DLG2: variants seen among roughly 807,000 people sequenced by gnomAD.
The protein encoded by DLG2 is discs large MAGUK scaffold protein 2, also known as disks large homolog 2.
DLG2 carries 45 observed loss-of-function variants against 132.5 expected under a neutral mutation model. That is an observed-to-expected ratio of 0.34 (90% CI 0.27 to 0.44). The LOEUF (loss-of-function observed/expected upper bound fraction) is 0.44, where lower values mean the gene tolerates loss of function less well. Ranked by LOEUF, DLG2 falls within the 20% of genes least tolerant of loss-of-function variation. The pLI, the probability that DLG2 is intolerant of heterozygous loss-of-function variation, is 1.00. For synonymous variants in DLG2, 424 were observed against 419.6 expected, an observed-to-expected ratio of 1.01 and a Z score of -0.13; for missense variants, 1,045 against 1,196.9, an observed-to-expected ratio of 0.87 and a Z score of 1.87.
At chr11:83,700,812 A>T (rs1257735802) in intron 18 of DLG2, among the ~76,000 whole-genome samples, 4 of 152,158 alleles carry the variant, frequency 2.6e-5, no homozygotes, top group African/African-American at 4.8e-5. Flanking sequence ...CTCCATCTGC[A>T]CTGAAAAGGA....
At chr11:84,663,827 A>G (rs565819163) in intron 6 of DLG2, among the ~76,000 whole-genome samples, 83 of 152,190 alleles carry the variant, frequency 5.5e-4, no homozygotes, top group African/African-American at 1.9e-3. Flanking sequence ...CTGACACTGG[A>G]CGACGATCTT....
chr11:83,867,968 A>G (rs2062712389), intron 16 of DLG2, among the ~76,000 whole-genome samples: 1 of 152,206 alleles, frequency 6.6e-6, no homozygotes, highest in Non-Finnish European at 1.5e-5. Context: ...AATGGAAAAA[A>G]AAATCTGTTC....
chr11:85,533,540 T>G (rs986513102), intron 3 of DLG2, among the ~76,000 whole-genome samples: 6 of 151,770 alleles, frequency 4.0e-5, no homozygotes, highest in African/African-American at 1.5e-4. Context: ...TTTATCTAAA[T>G]CCATCACTGA....
intron 6 of DLG2, among the ~76,000 whole-genome samples, chr11:84,711,936 T>C (rs1339079919): frequency 1.3e-5 from 2 of 152,094 alleles, no homozygotes; most frequent in African/African-American, 4.8e-5. Flanking sequence ...GGCATTATAC[T>C]AAATGAATAT....
At chr11:84,480,726 C>T (rs1210260899) in intron 7 of DLG2, among the ~76,000 whole-genome samples, 3 of 135,998 alleles carry the variant, frequency 2.2e-5, no homozygotes, top group African/African-American at 5.4e-5. Flanking sequence ...TGTTTGTTTG[C>T]TTGTTTGGTT....
chr11:85,294,004 C>T lies in DLG2; in HGVS notation c.41-8639G>A, dbSNP rs144578056. 7.6e-4 allele frequency among the ~76,000 whole-genome samples: 115 copies of T among 151,988 alleles called. 2 individuals are homozygous for T. Among genetic ancestry groups the T allele is most frequent in the Middle Eastern group, 3.4e-3 (1 of 294 alleles). On this transcript the variant is annotated intron_variant, in intron 3 of 27. Coordinates refer to ENST00000376104, the MANE Select transcript of DLG2 (RefSeq NM_001142699.3). ...TACCTGTAATTCCAACACTTTGGGA[C>T]GCCGAAGTGGGAAGATTGGTTGAAG... is the stretch of plus-strand genomic sequence containing the variant.
chr11:83,878,847 T>C (rs2065420468), intron 15 of DLG2, among the ~76,000 whole-genome samples: 1 of 152,174 alleles, frequency 6.6e-6, no homozygotes, highest in African/African-American at 2.4e-5. Context: ...TTAGGTAGCT[T>C]GGCTGAGGTA....
chr11:85,180,676 T>C (rs2079628956), intron 4 of DLG2, among the ~76,000 whole-genome samples: 1 of 151,858 alleles, frequency 6.6e-6, no homozygotes. Context: ...CAGCATTAAA[T>C]AGAACATAGA....
At chr11:84,042,621 T>C in intron 11 of DLG2, among the ~76,000 whole-genome samples, 1 of 151,906 alleles carries the variant, frequency 6.6e-6, no homozygotes, top group East Asian at 1.9e-4. Context: ...TTTATTCTCT[T>C]CTTTTTAAGT....
rs558772088 is a variant in DLG2 at position 84,726,047 on chromosome 11, C to T, written c.358-191316G>A. 7.9e-5 allele frequency among the ~76,000 whole-genome samples: 12 copies of T among 152,190 alleles called. No individual in the cohort carries two copies. The South Asian group carries it at 1.9e-3, about 24-fold the overall frequency. On this transcript the variant is annotated intron_variant, in intron 6 of 27. Transcript: ENST00000376104. ...ACAAATGCAATGATACATTCTCAGA[C>T]CCCATATAAATGGACTCTAATATGC...
intron 3 of DLG2, among the ~76,000 whole-genome samples, chr11:85,506,717 T>A (rs910381386): frequency 4.6e-5 from 7 of 152,200 alleles, no homozygotes; most frequent in African/African-American, 1.7e-4. Context: ...GAGAGTTCTG[T>A]AGATGTCTAT....
chr11:85,292,371 G>C (rs1373562782), intron 3 of DLG2, among the ~76,000 whole-genome samples: 1 of 151,874 alleles, frequency 6.6e-6, no homozygotes, highest in Non-Finnish European at 1.5e-5. Flanking sequence ...GACTGAAGTT[G>C]AATGTAGATG....
chr11:85,215,436 T>C (rs1315339318), intron 4 of DLG2, among the ~76,000 whole-genome samples: 2 of 152,222 alleles, frequency 1.3e-5, no homozygotes, highest in Non-Finnish European at 2.9e-5. Context: ...ATTCAGAATA[T>C]GCCACCTCAA....
intron 6 of DLG2, among the ~76,000 whole-genome samples, chr11:84,862,184 A>C (rs1288364691): frequency 6.6e-6 from 1 of 151,994 alleles, no homozygotes; most frequent in Non-Finnish European, 1.5e-5. Context: ...CTTAAAGTAT[A>C]ATAATAATAA....
intron 10 of DLG2, among the ~76,000 whole-genome samples, chr11:84,077,181 G>A (rs115340187): frequency 0.01 from 1,564 of 152,228 alleles, 23 homozygotes; most frequent in African/African-American, 0.035. Flanking sequence ...CTCTTTACCA[G>A]TCAAGCTTAT....
intron 6 of DLG2, among the ~76,000 whole-genome samples, chr11:84,589,971 CTA>C (rs1266068053): frequency 6.6e-6 from 1 of 152,178 alleles, no homozygotes; most frequent in Non-Finnish European, 1.5e-5. Context: ...AGTGTACCAC[CTA>C]TGTTTAATAT....
chr11:83,719,448 C>T (rs2087729200), intron 18 of DLG2, among the ~76,000 whole-genome samples: 1 of 152,196 alleles, frequency 6.6e-6, no homozygotes, highest in Non-Finnish European at 1.5e-5. Context: ...TATTTTGGCT[C>T]ACAATCCTGC....
intron 6 of DLG2, among the ~76,000 whole-genome samples, chr11:85,079,070 T>C (rs2066912342): frequency 6.6e-6 from 1 of 151,980 alleles, no homozygotes; most frequent in African/African-American, 2.4e-5. Context: ...GGTACACTTG[T>C]TCAGTCTGGA....
At chr11:85,484,021 T>C (rs1201448876) in intron 3 of DLG2, among the ~76,000 whole-genome samples, 2 of 152,142 alleles carry the variant, frequency 1.3e-5, no homozygotes, top group East Asian at 3.9e-4. Context: ...AAGCGGGTGG[T>C]AAACTCCATT....
Sources: gnomAD v4.1 joint callset for allele counts (sites outside exome capture counted in the v4.1 genomes callset) on GRCh38, gnomAD v4.1.1 for gene constraint, MANE v1.5 for transcripts, NCBI Gene and HGNC (gene_info 2026-07-23, HGNC 2026-07-21) for gene names.